The following PLS1 variants were observed in gnomAD, a reference collection of about 807,000 sequenced individuals.
PLS1 encodes the protein plastin-1.
PLS1 carries 32 observed loss-of-function variants against 73.7 expected under a neutral mutation model. That is an observed-to-expected ratio of 0.43 (90% CI 0.33 to 0.58). The LOEUF (loss-of-function observed/expected upper bound fraction) is 0.58, where lower values mean the gene tolerates loss of function less well. PLS1 is among the 20% of genes least tolerant of loss of function. PLS1 has a pLI of 0.04. For synonymous variants in PLS1, 217 were observed against 261.3 expected, an observed-to-expected ratio of 0.83 and a Z score of 1.63; for missense variants, 633 against 740.5, an observed-to-expected ratio of 0.85 and a Z score of 1.68.
chr3:142,599,238 G>A (rs368499550), intron 1 of PLS1, among the ~76,000 whole-genome samples: 3 of 151,548 alleles, frequency 2.0e-5, no homozygotes, highest in East Asian at 1.9e-4. Flanking sequence ...GCCATGGGGA[G>A]GGTGGGCATT....
chr3:142,643,504 A>C (rs2108618400), intron 1 of PLS1, among the ~76,000 whole-genome samples: 1 of 152,284 alleles, frequency 6.6e-6, no homozygotes, highest in East Asian at 1.9e-4. Context: ...GGATGGAGAA[A>C]GGTCGAGCAG....
In PLS1 at chr3:142,701,778, C is replaced by T. The variant is rs888799199; in HGVS notation, c.1372-2090C>T. Among the ~76,000 whole-genome samples the T allele has an allele frequency of 6.6e-5, 10 of 152,160 alleles. No individual in the cohort carries two copies. In the East Asian group the frequency reaches 1.9e-3, roughly 29 times the overall value. ...TGGTAGAACTGTAAAGCAGATGGCT[C>T]TTCATTGAAACACATTTTACACATG... is the stretch of plus-strand genomic sequence containing the variant. On this transcript the variant is annotated intron_variant, in intron 12 of 15. Coordinates refer to ENST00000457734, the MANE Select transcript of PLS1 (RefSeq NM_001145319.2).
At chr3:142,704,893 C>T (rs1032594380) in intron 14 of PLS1, among the ~76,000 whole-genome samples, 8 of 150,570 alleles carry the variant, frequency 5.3e-5, no homozygotes, top group African/African-American at 2.0e-4. Flanking sequence ...CTCCTGACCT[C>T]GTGATCCGCC....
chr3:142,689,738 G>A lies in PLS1; in HGVS notation c.1102G>A (p.Val368Ile). ...SGNPKLNLAF[V>I]ANLFNTYPCL... ...CAATCCTAAACTTAATTTAGCTTTTGTAGCTAATTTGTTTAACACATACCC... is the reference window on the plus strand; with the variant it reads ...CAATCCTAAACTTAATTTAGCTTTTATAGCTAATTTGTTTAACACATACCC... Residue 368 changes from valine to isoleucine, a missense_variant, in exon 10 of 16, where the codon GTA becomes ATA. Physicochemically the swap from Val to Ile is conservative, Grantham distance 29. Coordinates refer to ENST00000457734, the MANE Select transcript of PLS1 (RefSeq NM_001145319.2). 1 of 1,610,170 alleles carries A rather than the reference G, an allele frequency of 6.2e-7. No homozygotes were observed. Among genetic ancestry groups the A allele is most frequent in the South Asian group, 1.1e-5 (1 of 90,724 alleles).
At chr3:142,600,378 A>G (rs187742357) in intron 1 of PLS1, among the ~76,000 whole-genome samples, 1 of 152,066 alleles carries the variant, frequency 6.6e-6, no homozygotes, top group South Asian at 2.1e-4. Context: ...ATTGTACACT[A>G]CCAGGAGGTG....
chr3:142,618,822 C>A (rs878929216), intron 1 of PLS1, among the ~76,000 whole-genome samples: 1 of 152,078 alleles, frequency 6.6e-6, no homozygotes, highest in Admixed American at 6.6e-5. Context: ...TTGGTCCTGC[C>A]CAAATAACCT....
intron 1 of PLS1, among the ~76,000 whole-genome samples, chr3:142,651,937 C>T (rs2037102949): frequency 6.6e-6 from 1 of 152,202 alleles, no homozygotes; most frequent in Non-Finnish European, 1.5e-5. Flanking sequence ...CAATCCCCTA[C>T]CAGGCCTGAA....
At chr3:142,675,701 G>C (rs1446792020) in intron 4 of PLS1, among the ~76,000 whole-genome samples, 1 of 147,668 alleles carries the variant, frequency 6.8e-6, no homozygotes, top group Non-Finnish European at 1.5e-5. Context: ...TTTTTGAAAG[G>C]GTCTCTCTTT....
In PLS1 at chr3:142,646,595, C is replaced by T. The variant is rs1233297038; in HGVS notation, c.-36-17607C>T. ...TGCTGAAGCTCTGCCAATCACACAA[C>T]ATCCTGGGAACTAGACTGTCATCCT... On this transcript the variant is annotated intron_variant, in intron 1 of 15. Transcript: ENST00000457734. Among the ~76,000 whole-genome samples the T allele has an allele frequency of 2.0e-5, 3 of 152,388 alleles. No individual in the cohort carries two copies. The South Asian group carries it at 6.2e-4, about 32-fold the overall frequency.
At chr3:142,602,254 G>C (rs1274376587) in intron 1 of PLS1, among the ~76,000 whole-genome samples, 6 of 152,052 alleles carry the variant, frequency 3.9e-5, no homozygotes. Context: ...AGCTGTGATT[G>C]GGGAGTGAGT....
chr3:142,632,779 A>T (rs1409404091), intron 1 of PLS1, among the ~76,000 whole-genome samples: 5 of 152,064 alleles, frequency 3.3e-5, no homozygotes, highest in Admixed American at 1.3e-4. Flanking sequence ...TTATATTTTT[A>T]GTAGAAATGG....
Position 142,684,217 on chromosome 3 carries a change from A to G in PLS1, c.746-36A>G, listed in dbSNP as rs768822512. On this transcript the variant is annotated intron_variant, in intron 7 of 15. Transcript: ENST00000457734. ...TGCTGTTCATTGACATGTACTTGCTATGGGAAGAATTTACATTTCGCTGTT... is the reference window on the plus strand; with the variant it reads ...TGCTGTTCATTGACATGTACTTGCTGTGGGAAGAATTTACATTTCGCTGTT... The G allele has an allele frequency of 3.7e-6, 6 of 1,613,822 alleles. No homozygotes were observed. The South Asian group carries it at 4.4e-5, about 12-fold the overall frequency.
intron 1 of PLS1, among the ~76,000 whole-genome samples, chr3:142,660,454 T>C (rs1459508584): frequency 6.6e-6 from 1 of 152,204 alleles, no homozygotes; most frequent in Non-Finnish European, 1.5e-5. Flanking sequence ...ATGCTTAGAA[T>C]GCTTACAGTA....
intron 2 of PLS1, among the ~76,000 whole-genome samples, chr3:142,664,941 A>T (rs1235731235): frequency 6.6e-6 from 1 of 151,550 alleles, no homozygotes; most frequent in African/African-American, 2.4e-5. Flanking sequence ...GCTCTTAGGA[A>T]ACCCATGGTA....
intron 6 of PLS1, among the ~76,000 whole-genome samples, chr3:142,680,237 A>G (rs1431789331): frequency 2.0e-5 from 3 of 152,032 alleles, no homozygotes; most frequent in Admixed American, 1.3e-4. Flanking sequence ...CTAATTTTTT[A>G]AAGTTTTTGT....
At chr3:142,706,558 G>T (rs2038466794) in intron 14 of PLS1, among the ~76,000 whole-genome samples, 1 of 152,134 alleles carries the variant, frequency 6.6e-6, no homozygotes, top group African/African-American at 2.4e-5. Flanking sequence ...AAAGGATATT[G>T]AGTAAAGGGG....
intron 1 of PLS1, among the ~76,000 whole-genome samples, chr3:142,651,580 G>A (rs2037094315): frequency 6.6e-6 from 1 of 151,732 alleles, no homozygotes; most frequent in Admixed American, 6.6e-5. Context: ...TCCCACCTCA[G>A]CCTTTTGAGT....
intron 8 of PLS1, among the ~76,000 whole-genome samples, chr3:142,685,386 T>C (rs2037943000): frequency 6.6e-6 from 1 of 152,242 alleles, no homozygotes; most frequent in Admixed American, 6.5e-5. Context: ...TAGCAAATTA[T>C]GCAAAATTTG....
intron 1 of PLS1, among the ~76,000 whole-genome samples, chr3:142,627,398 C>A (rs939060001): frequency 6.6e-6 from 1 of 152,062 alleles, no homozygotes; most frequent in African/African-American, 2.4e-5. Flanking sequence ...CTTTTTAAGT[C>A]AAGATTTTGG....
Sources: allele counts gnomAD v4.1 joint callset (sites outside exome capture counted in the v4.1 genomes callset), GRCh38; gene constraint gnomAD v4.1.1; transcripts MANE v1.5; gene names NCBI Gene and HGNC (gene_info 2026-07-23, HGNC 2026-07-21).